DACH2: variants seen among roughly 807,000 people sequenced by gnomAD.
The protein encoded by DACH2 is dachshund family transcription factor 2.
A neutral mutation model predicts 35.8 loss-of-function variants in DACH2; 17 were observed. That is an observed-to-expected ratio of 0.48 (90% CI 0.33 to 0.71). The LOEUF (loss-of-function observed/expected upper bound fraction) is 0.71, where lower values mean the gene tolerates loss of function less well. DACH2 is among the 30% of genes least tolerant of loss of function. The probability of loss-of-function intolerance (pLI) is 0.02; values close to 1 mark genes in which losing one functional copy is unlikely to be tolerated. For missense variants in DACH2, 469 were observed against 472.7 expected (o/e 0.99, Z 0.07); for synonymous variants, 195 against 177.3 (o/e 1.10, Z -0.79).
chrX:86,292,198 C>G (rs973666425), intron 1 of DACH2, among the ~76,000 whole-genome samples: 2 of 87,540 alleles, frequency 2.3e-5, no homozygotes, highest in Admixed American at 1.4e-4. Context: ...TCTAGATTTT[C>G]TAGTTTATTT....
chrX:86,228,806 C>T (rs779285848), intron 1 of DACH2, among the ~76,000 whole-genome samples: 121 of 110,439 alleles, frequency 1.1e-3, no homozygotes, highest in Non-Finnish European at 1.9e-3. Flanking sequence ...CTTTTTGATG[C>T]GATTGATTGT....
At chrX:86,327,130 C>T (rs928377427) in intron 1 of DACH2, among the ~76,000 whole-genome samples, 3 of 111,984 alleles carry the variant, frequency 2.7e-5, no homozygotes, top group African/African-American at 9.7e-5. Context: ...AATAAGCATT[C>T]TCTGGTAGTA....
In DACH2 at chrX:86,757,471, G is replaced by A. The variant is rs568970817; in HGVS notation, c.1240+17589G>A. ...GTGTTAATCTTTGGAAAGTTTTATA[G>A]AATTCAGCTGTGAAGCCATCTGGTC... On this transcript the variant is annotated intron_variant, in intron 7 of 11. Coordinates refer to ENST00000373125, the MANE Select transcript of DACH2 (RefSeq NM_053281.3). Among the ~76,000 whole-genome samples, 29 of 112,177 alleles carry A rather than the reference G, an allele frequency of 2.6e-4. 1 individual carries two copies. The South Asian group carries it at 0.01, about 40-fold the overall frequency.
chrX:86,207,872 T>C (rs2032353266), intron 1 of DACH2, among the ~76,000 whole-genome samples: 1 of 111,718 alleles, frequency 9.0e-6, no homozygotes, highest in Non-Finnish European at 1.9e-5. Context: ...GATAAGTAGC[T>C]TTGAGGTAAA....
intron 3 of DACH2, among the ~76,000 whole-genome samples, chrX:86,638,490 A>G (rs938938777): frequency 1.3e-4 from 14 of 111,575 alleles, no homozygotes; most frequent in African/African-American, 4.2e-4. Context: ...GTGGGAGAAA[A>G]TATTTGCAAA....
intron 1 of DACH2, among the ~76,000 whole-genome samples, chrX:86,288,871 C>A (rs1254088349): frequency 1.8e-5 from 2 of 111,689 alleles, no homozygotes; most frequent in South Asian, 7.6e-4. Context: ...GTTTGGTGCT[C>A]TATTATCCTG....
chrX:86,806,586 A>G (rs1175595558), intron 7 of DACH2, among the ~76,000 whole-genome samples: 3 of 112,308 alleles, frequency 2.7e-5, no homozygotes, highest in Non-Finnish European at 3.8e-5. Flanking sequence ...TATACACCTT[A>G]TAAACTTAGC....
chrX:86,585,694 T>C, intron 3 of DACH2, among the ~76,000 whole-genome samples: 1 of 111,269 alleles, frequency 9.0e-6, no homozygotes, highest in East Asian at 2.8e-4. Flanking sequence ...ATTAGTTGCT[T>C]AGCATAATGG....
At chrX:86,673,003 T>C (rs1312502756) in intron 4 of DACH2, among the ~76,000 whole-genome samples, 1 of 111,925 alleles carries the variant, frequency 8.9e-6, no homozygotes, top group Non-Finnish European at 1.9e-5. Flanking sequence ...CTCGCCCCCT[T>C]GCATAAGTGT....
intron 3 of DACH2, among the ~76,000 whole-genome samples, chrX:86,600,618 T>C (rs763332837): frequency 7.1e-5 from 8 of 112,209 alleles, no homozygotes; most frequent in Admixed American, 1.9e-4. Flanking sequence ...GTGGTATATC[T>C]GTTAATTTAG....
chrX:86,294,347 A>T (rs2148003888), intron 1 of DACH2, among the ~76,000 whole-genome samples: 1 of 109,864 alleles, frequency 9.1e-6, no homozygotes, highest in East Asian at 2.9e-4. Flanking sequence ...CAAAGTTTTC[A>T]ACTTCTTTGC....
At chrX:86,669,445 C>T (rs2040738644) in intron 4 of DACH2, among the ~76,000 whole-genome samples, 1 of 111,113 alleles carries the variant, frequency 9.0e-6, no homozygotes, top group South Asian at 3.8e-4. Flanking sequence ...TTTGGAGGCT[C>T]ACATTTGTTT....
intron 3 of DACH2, among the ~76,000 whole-genome samples, chrX:86,574,249 A>C (rs145679695): frequency 0.089 from 9,816 of 110,819 alleles, 1,091 homozygotes; most frequent in African/African-American, 0.31. Context: ...AAACCTGGGG[A>C]AACAGCTTTT....
intron 1 of DACH2, among the ~76,000 whole-genome samples, chrX:86,280,479 G>T (rs1290424290): frequency 1.8e-5 from 2 of 111,826 alleles, no homozygotes; most frequent in Non-Finnish European, 3.8e-5. Flanking sequence ...GGAGAAACTG[G>T]TACTAGTCAC....
At chrX:86,359,916 C>T (rs1254132770) in intron 1 of DACH2, among the ~76,000 whole-genome samples, 1 of 109,906 alleles carries the variant, frequency 9.1e-6, no homozygotes, top group Non-Finnish European at 1.9e-5. Flanking sequence ...CTCTGATGCT[C>T]AGGCTGGAGT....
At chrX:86,455,304 G>A (rs1211392256) in intron 2 of DACH2, among the ~76,000 whole-genome samples, 1 of 111,361 alleles carries the variant, frequency 9.0e-6, no homozygotes, top group Non-Finnish European at 1.9e-5. Flanking sequence ...TTTTTTGGTA[G>A]AGCAGGTGTG....
At chrX:86,686,599 C>T (rs1156269112) in intron 4 of DACH2, among the ~76,000 whole-genome samples, 1 of 111,535 alleles carries the variant, frequency 9.0e-6, no homozygotes, top group African/African-American at 3.3e-5. Flanking sequence ...ATAAATATGA[C>T]AATTTAAAAA....
chrX:86,314,524 AAAG>A (rs1396069584), intron 1 of DACH2, among the ~76,000 whole-genome samples: 33 of 111,593 alleles, frequency 3.0e-4, no homozygotes, highest in African/African-American at 1.0e-3. Flanking sequence ...TGTGTTAAAA[AAAG>A]AGGAGAGAAA....
intron 1 of DACH2, among the ~76,000 whole-genome samples, chrX:86,254,771 C>CAAATAAAT (rs1156929896): frequency 5.7e-5 from 1 of 17,697 alleles, no homozygotes; most frequent in Admixed American, 9.6e-4. Flanking sequence ...GGGTGTTATT[C>CAAATAAAT]AAATAAATAA....
Sources: gnomAD v4.1 joint callset for allele counts (sites outside exome capture counted in the v4.1 genomes callset) on GRCh38, gnomAD v4.1.1 for gene constraint, MANE v1.5 for transcripts, NCBI Gene and HGNC (gene_info 2026-07-23, HGNC 2026-07-21) for gene names.